Variants in CHST12 observed in about 807,000 individuals in gnomAD.
CHST12 encodes carbohydrate (chondroitin 4) sulfotransferase 12.
In CHST12, 23 loss-of-function variants were observed where a neutral mutation model predicts 27.9. That is an observed-to-expected ratio of 0.82 (90% CI 0.59 to 1.17). The LOEUF (loss-of-function observed/expected upper bound fraction) is 1.17, where lower values mean the gene tolerates loss of function less well. CHST12 is among the 50% of genes most tolerant of loss of function. The pLI is 0.00. For synonymous variants in CHST12, 322 were observed against 273.0 expected (o/e 1.18, Z -1.77); for missense variants, 682 against 603.0 (o/e 1.13, Z -1.37).
At chr7:2,417,733 T>C (rs1781847601) in intron 1 of CHST12, among the ~76,000 whole-genome samples, 1 of 152,148 alleles carries the variant, frequency 6.6e-6, no homozygotes, top group African/African-American at 2.4e-5. Flanking sequence ...GTGGACTGGC[T>C]GAGGCCCTCT....
Position 2,444,762 on chromosome 7 carries a change from C to T in CHST12, c.*10878C>T, listed in dbSNP as rs1357142576. On this transcript the variant is annotated 3_prime_UTR_variant, in exon 2 of 2. Transcript: ENST00000618655. ...CTGCGGGAGGCTACAAGGCAAAAAT[C>T]CCCTACTCCCCCTGGGCTCCTTCAC... The T allele has an allele frequency of 6.6e-6, 1 of 152,194 alleles. No homozygotes were observed. 9.4% of individuals were successfully genotyped at this position (152,194 alleles called of 1,614,324 possible). A position where few individuals can be genotyped will look rare whatever the true frequency, so the allele number is the denominator to read the frequency against.
In CHST12 at chr7:2,439,397, TC is replaced by T. The variant is rs1782548063; in HGVS notation, c.*5517del. The stretch of plus-strand genomic sequence containing the variant: ...ATTAATTGGAGAATGTGTAATTTTT[TC>T]CCCTTTGGAAATAATTTGTTCTTTT... On this transcript the variant is annotated 3_prime_UTR_variant, in exon 2 of 2. Transcript: ENST00000618655. The T allele has an allele frequency of 6.6e-6, 1 of 152,046 alleles. No homozygotes were observed. The highest frequency in any genetic ancestry group is 2.1e-4 in the South Asian group (1 of 4,816). 9.4% of individuals were successfully genotyped at this position (152,046 alleles called of 1,614,324 possible).
chr7:2,404,704 C>T (rs76267860), intron 1 of CHST12, among the ~76,000 whole-genome samples: 2 of 152,206 alleles, frequency 1.3e-5, no homozygotes, highest in Admixed American at 6.5e-5. Flanking sequence ...GATTGCTACA[C>T]GAAGGTGCAA....
chr7:2,416,589 G>A (rs1781814771), intron 1 of CHST12, among the ~76,000 whole-genome samples: 1 of 152,200 alleles, frequency 6.6e-6, no homozygotes, highest in Non-Finnish European at 1.5e-5. Context: ...TGTTGTGTTA[G>A]CAGGCATGGA....
chr7:2,426,132 C>T (rs1432603970), intron 1 of CHST12, among the ~76,000 whole-genome samples: 2 of 152,176 alleles, frequency 1.3e-5, no homozygotes, highest in South Asian at 2.1e-4. Flanking sequence ...GCTGTGGGGA[C>T]GAATATTCAG....
rs564070067 is a variant in CHST12 at position 2,412,979 on chromosome 7, A to G, written c.-78+9306A>G. ...AAAATAACACATATTTGTGTAACAA[A>G]TATTTGAGCCTGATGAAGACAGAGA... On this transcript the variant is annotated intron_variant, in intron 1 of 1. Transcript: ENST00000618655. 5.9e-5 allele frequency among the ~76,000 whole-genome samples: 9 copies of G among 152,324 alleles called. No individual in the cohort carries two copies. The East Asian group carries it at 1.7e-3, about 29-fold the overall frequency.
rs1014564353 is a variant in CHST12, at chr7:2,418,913, C to T, written c.-77-13650C>T. On this transcript the variant is annotated intron_variant, in intron 1 of 1. Transcript: ENST00000618655. ...CTGGGTTCAAGCCATTTTCCCACTT[C>T]AGCCTCCAGAGTAACTGGGACCACA... is the stretch of plus-strand genomic sequence containing the variant. Among the ~76,000 whole-genome samples the T allele has an allele frequency of 5.3e-5, 8 of 152,324 alleles. No homozygotes were observed. In the South Asian group the frequency reaches 8.3e-4, roughly 16 times the overall value.
At chr7:2,425,761 C>A (rs1255282434) in intron 1 of CHST12, among the ~76,000 whole-genome samples, 1 of 151,860 alleles carries the variant, frequency 6.6e-6, no homozygotes, top group Admixed American at 6.6e-5. Context: ...GGTCTTCTCC[C>A]ATGCTGTCTA....
chr7:2,432,129 G>A (rs1042460887), intron 1 of CHST12, among the ~76,000 whole-genome samples: 10 of 92,764 alleles, frequency 1.1e-4, no homozygotes, highest in South Asian at 3.6e-4. Flanking sequence ...GCGACAGAGC[G>A]AGACTCCATA....
rs752131799 is a variant in CHST12, at chr7:2,433,004, C to A, written c.365C>A (p.Ala122Glu). The change falls in exon 2 of 2, where the codon GCG becomes GAG. Residue 122 changes from alanine to glutamate, a missense_variant. Physicochemically the swap from Ala to Glu is moderately radical, Grantham distance 107. Transcript: ENST00000618655. The surrounding 1 kb of genome is among the most constrained non-coding windows in gnomAD (Gnocchi z 6.1). ...RRSPDQGRQQ[A>E]ERRSVLRGFC... ...AGCCCAGACCAGGGCCGGCAGCAGG[C>A]GGAGCGGAGGAGCGTGCTGCGGGGC... is the stretch of plus-strand genomic sequence containing the variant. 3 of 1,610,412 alleles carry A rather than the reference C, an allele frequency of 1.9e-6. No homozygotes were observed. The highest frequency in any genetic ancestry group is 2.2e-5 in the South Asian group (2 of 90,992).
At chr7:2,411,490 C>CTTTTTTT (rs79743047) in intron 1 of CHST12, among the ~76,000 whole-genome samples, 26,634 of 86,536 alleles carry the variant, frequency 0.31, 6,443 homozygotes, top group Admixed American at 0.38. Context: ...TAACTTAACT[C>CTTTTTTT]TTTTTTTTTT....
At chr7:2,406,995 C>CAAAAGGAG (rs1223947659) in intron 1 of CHST12, among the ~76,000 whole-genome samples, 2 of 150,746 alleles carry the variant, frequency 1.3e-5, no homozygotes, top group African/African-American at 4.9e-5. Context: ...AAAAAGCCAC[C>CAAAAGGAG]AAAAGGAGTA....
Position 2,422,525 on chromosome 7 carries a change from G to A in CHST12, c.-77-10038G>A, listed in dbSNP as rs545808860. ...CTCCCAAGGTTCTGGGATTACAGGC[G>A]TGAGCCACTGCGCCCTGCCTCTTTT... is the stretch of plus-strand genomic sequence containing the variant. On this transcript the variant is annotated intron_variant, in intron 1 of 1. Coordinates refer to ENST00000618655, the MANE Select transcript of CHST12 (RefSeq NM_018641.5). Among the ~76,000 whole-genome samples the A allele has an allele frequency of 4.0e-4, 61 of 152,000 alleles. 1 individual carries two copies. The highest frequency in any genetic ancestry group is 1.4e-3 in the African/African-American group (60 of 41,476).
rs758937171 is a variant in CHST12, at chr7:2,447,665, G to T, written c.*13781G>T. The T allele has an allele frequency of 6.6e-6, 1 of 152,056 alleles. No homozygotes were observed. The highest frequency in any genetic ancestry group is 2.4e-5 in the African/African-American group (1 of 41,402). The allele number at this position is 152,056 out of a possible 1,614,324, so 9.4% of individuals were successfully genotyped here. A position where few individuals can be genotyped will look rare whatever the true frequency, so the allele number is the denominator to read the frequency against. On this transcript the variant is annotated 3_prime_UTR_variant, in exon 2 of 2. Coordinates refer to ENST00000618655, the MANE Select transcript of CHST12 (RefSeq NM_018641.5). ...TTTTTGTATTTTTAGTAGAGATGAGGTTTCACCATGTTGGCCAGGCTGGTC... is the reference window on the plus strand; with the variant it reads ...TTTTTGTATTTTTAGTAGAGATGAGTTTTCACCATGTTGGCCAGGCTGGTC...
chr7:2,432,142 A>C (rs923691631), intron 1 of CHST12, among the ~76,000 whole-genome samples: 4 of 49,762 alleles, frequency 8.0e-5, no homozygotes, highest in African/African-American at 1.8e-4. Flanking sequence ...ACTCCATATC[A>C]AAAAAAAAAA....
At chr7:2,413,492 C>T (rs368430001) in intron 1 of CHST12, among the ~76,000 whole-genome samples, 3 of 152,204 alleles carry the variant, frequency 2.0e-5, no homozygotes, top group African/African-American at 7.2e-5. Context: ...TGCAATCAAA[C>T]AGTAGAGCAT....
At position 2,405,215 on chromosome 7, in the gene CHST12, C is replaced by T. The variant is rs942674682; in HGVS notation, c.-78+1542C>T. Reference sequence around the variant, plus strand: ...ATCCCAGCACTTTGGGAGGCAGAGGCGGGCGGATCACCTGAGGTCAGGAGT... The same window carrying T: ...ATCCCAGCACTTTGGGAGGCAGAGGTGGGCGGATCACCTGAGGTCAGGAGT... On this transcript the variant is annotated intron_variant, in intron 1 of 1. Coordinates refer to ENST00000618655, the MANE Select transcript of CHST12 (RefSeq NM_018641.5). 5.3e-5 allele frequency among the ~76,000 whole-genome samples: 8 copies of T among 152,134 alleles called. 1 individual carries two copies. The East Asian group carries it at 5.8e-4, about 11-fold the overall frequency.
intron 1 of CHST12, among the ~76,000 whole-genome samples, chr7:2,423,698 G>T (rs1782035819): frequency 6.6e-6 from 1 of 152,140 alleles, no homozygotes; most frequent in Non-Finnish European, 1.5e-5. Flanking sequence ...TTTTTTCTGA[G>T]AATCATCCCA....
At position 2,433,788 on chromosome 7, in the gene CHST12, G is replaced by T. The variant is rs752248911; in HGVS notation, c.1149G>T (p.Lys383Asn). Residue 383 changes from lysine to asparagine, a missense_variant, in exon 2 of 2, where the codon AAG becomes AAT. Coordinates refer to ENST00000618655, the MANE Select transcript of CHST12 (RefSeq NM_018641.5). This position sits in a 1 kb window ranked among gnomAD's most constrained non-coding sequence, Gnocchi z 6.1. The part of the protein sequence containing the change: ...ASSWEEDWFA[K>N]IPLAWRQQLY... ...GCTGGGAGGAGGACTGGTTCGCCAA[G>T]ATCCCCCTGGCCTGGAGGCAGCAGC... is the stretch of plus-strand genomic sequence containing the variant. 6 of 1,614,024 alleles carry T rather than the reference G, an allele frequency of 3.7e-6. No individual in the cohort carries two copies.
Sources: gnomAD v4.1 joint callset for allele counts (sites outside exome capture counted in the v4.1 genomes callset) on GRCh38, gnomAD v4.1.1 for gene constraint, Gnocchi (gnomAD v3.1) non-coding constraint, MANE v1.5 for transcripts, NCBI Gene and HGNC (gene_info 2026-07-23, HGNC 2026-07-21) for gene names.